WDR36: variants seen among roughly 807,000 people sequenced by gnomAD.
WDR36 encodes the protein WD repeat-containing protein 36.
Under a neutral mutation model 112.7 loss-of-function variants are expected in WDR36, and 63 were observed. The observed-to-expected ratio is 0.56, with a 90% CI of 0.46 to 0.69. The LOEUF (loss-of-function observed/expected upper bound fraction) is 0.69. Ranked by LOEUF, WDR36 falls within the 30% of genes least tolerant of loss-of-function variation. The pLI is 0.00. For missense variants in WDR36, 1,226 were observed against 1,070.3 expected, an observed-to-expected ratio of 1.15 and a Z score of -2.03; for synonymous variants, 410 against 362.2, an observed-to-expected ratio of 1.13 and a Z score of -1.50.
intron 8 of WDR36, 110 bp downstream of exon 8, chr5:111,104,462 G>C: frequency 6.7e-7 from 1 of 1,489,074 alleles, no homozygotes; most frequent in Non-Finnish European, 9.4e-7. Context: ...AAGGAATATG[G>C]AATGAGATAT....
rs780828248 is a variant in WDR36 at position 111,100,658 on chromosome 5, A to G, written c.479A>G (p.Tyr160Cys). 1.9e-6 allele frequency: 3 copies of G among 1,608,018 alleles called. No homozygotes were observed. The highest frequency in any genetic ancestry group is 1.3e-5 in the African/African-American group (1 of 74,920). Residue 160 changes from tyrosine (Y) to cysteine (C), a missense_variant, in exon 5 of 23, where the codon TAC becomes TGC. Tyr to Cys is a radical substitution (Grantham distance 194). Coordinates refer to ENST00000513710, the MANE Select transcript of WDR36 (RefSeq NM_139281.3). Reference protein sequence around the residue: ...KISAILHPSTYLNKILLGSEQ... With the variant: ...KISAILHPSTCLNKILLGSEQ... ...TCTGCAATTTTGCATCCAAGTACCT[A>G]CTTGAATAAAATACTTCTGGGCAGT... is the stretch of plus-strand genomic sequence containing the variant.
chr5:111,105,372 A>G lies in WDR36; in HGVS notation c.1093+12A>G. ...GAGCTTGGGACATGGTAGGTCCTCT[A>G]CAAGACAAAATAAGCTGGTCACGAA... On this transcript the variant is annotated intron_variant, in intron 10 of 22. Coordinates refer to ENST00000513710, the MANE Select transcript of WDR36 (RefSeq NM_139281.3). The G allele has an allele frequency of 1.2e-6, 2 of 1,607,104 alleles. No individual in the cohort carries two copies. Among genetic ancestry groups the G allele is most frequent in the South Asian group, 1.1e-5 (1 of 90,926 alleles).
intron 21 of WDR36, among the ~76,000 whole-genome samples, 200 bp from the exon 22 acceptor site, chr5:111,125,408 C>G (rs542277794): frequency 6.6e-6 from 1 of 152,028 alleles, no homozygotes; most frequent in Non-Finnish European, 1.5e-5. Context: ...TGAGTACTTT[C>G]TCTTATATTG....
rs142687756 is a variant in WDR36, at chr5:111,104,335, G to T, written c.889G>T (p.Ala297Ser). Residue 297 changes from alanine to serine, a missense_variant, in exon 8 of 23, where the codon GCT becomes TCT. By Grantham distance (99) the Ala-to-Ser change is moderately conservative. Transcript: ENST00000513710. ...AGAGCCACTTCTTGTCACAAATGGC[G>T]CTGACAATGCTCTTAGGGTATTATG... ...HREPLLVTNGADNALRIWIFD... is the reference protein window; with the variant it reads ...HREPLLVTNGSDNALRIWIFD... 1.1e-3 allele frequency: 1,725 copies of T among 1,611,752 alleles called. 2 individuals carry two copies. Among genetic ancestry groups the T allele is most frequent in the Non-Finnish European group, 1.4e-3 (1,618 of 1,178,352 alleles).
rs753621539 is a variant in WDR36 at position 111,103,936 on chromosome 5, T to TATTG, written c.730+21_730+24dup. Reference sequence around the variant, plus strand: ...TCGCACAGGTAACTTTTAACATACTTATTGATAGGAGTTAAGAACACTTAA... The same window carrying TATTG: ...TCGCACAGGTAACTTTTAACATACTTATTGATTGATAGGAGTTAAGAACACTTAA... On this transcript the variant is annotated intron_variant, in intron 7 of 22. Transcript: ENST00000513710. 6.2e-7 allele frequency: 1 copy of TATTG among 1,609,972 alleles called. No homozygotes were observed. Among genetic ancestry groups the TATTG allele is most frequent in the Admixed American group, 1.7e-5 (1 of 59,698 alleles).
intron 3 of WDR36, among the ~76,000 whole-genome samples, chr5:111,097,761 G>T (rs1336802423): frequency 1.3e-5 from 2 of 152,168 alleles, no homozygotes; most frequent in African/African-American, 2.4e-5. Flanking sequence ...TAATGGTCTA[G>T]AATGAAAGGA....
rs1753732343 is a variant in WDR36 at position 111,129,009 on chromosome 5, A to G, written c.*2126A>G. Reference sequence around the variant, plus strand: ...TATTATCTACAGCCACAGGAAATGTATAGTTACGATTTTTACATACGTGTA... The same window carrying G: ...TATTATCTACAGCCACAGGAAATGTGTAGTTACGATTTTTACATACGTGTA... On this transcript the variant is annotated 3_prime_UTR_variant, in exon 23 of 23. Coordinates refer to ENST00000513710, the MANE Select transcript of WDR36 (RefSeq NM_139281.3). 5.2e-6 allele frequency: 1 copy of G among 194,062 alleles called. No homozygotes were observed. The allele number at this position is 194,062 out of a possible 1,614,324, so 12.0% of individuals were successfully genotyped here.
chr5:111,104,069 A>G, intron 7 of WDR36, 108 bp from the exon 8 acceptor site: 2 of 1,378,078 alleles, frequency 1.5e-6, no homozygotes, highest in Middle Eastern at 2.4e-4. Flanking sequence ...GATTATTGGT[A>G]TATAGTTTTT....
At chr5:111,105,160 G>A in intron 9 of WDR36, 135 bp from the exon 10 acceptor site, 1 of 860,484 alleles carries the variant, frequency 1.2e-6, no homozygotes, top group Non-Finnish European at 1.9e-6. Context: ...TGAAGTAGTT[G>A]CAATCTGGTT....
intron 3 of WDR36, 150 bp downstream of exon 3, chr5:111,097,329 G>T (rs1219965552): frequency 1.5e-6 from 1 of 649,490 alleles, no homozygotes; most frequent in African/African-American, 1.8e-5. Context: ...TCTGGAGGAA[G>T]ATAAATTTTC....
At position 111,098,692 on chromosome 5, in the gene WDR36, A is replaced by G. The variant is rs538323240; in HGVS notation, c.292-30A>G. On this transcript the variant is annotated intron_variant, in intron 3 of 22. Transcript: ENST00000513710. ...TATGACATGATGACTGAGTAATAAT[A>G]TGAAATTCTTTTAAACTTCGATGTT... The G allele has an allele frequency of 4.7e-4, 625 of 1,334,916 alleles. 8 individuals carry two copies. In the South Asian group the frequency reaches 7.0e-3, roughly 15 times the overall value. 82.7% of individuals were successfully genotyped at this position (1,334,916 alleles called of 1,614,324 possible). A position where few individuals can be genotyped will look rare whatever the true frequency, so the allele number is the denominator to read the frequency against.
chr5:111,126,980 G>T lies in WDR36; in HGVS notation c.*97G>T. 8.3e-7 allele frequency: 1 copy of T among 1,203,474 alleles called. No individual in the cohort carries two copies. Among genetic ancestry groups the T allele is most frequent in the Non-Finnish European group, 1.2e-6 (1 of 868,220 alleles). 74.5% of individuals were successfully genotyped at this position (1,203,474 alleles called of 1,614,324 possible). A position where few individuals can be genotyped will look rare whatever the true frequency, so the allele number is the denominator to read the frequency against. ...GTGTCAATGTGAAAAGAAAATAAAT[G>T]CTAGCACTACTGACTAGTCAGTATA... On this transcript the variant is annotated 3_prime_UTR_variant, in exon 23 of 23. Coordinates refer to ENST00000513710, the MANE Select transcript of WDR36 (RefSeq NM_139281.3).
In WDR36 at chr5:111,129,211, C is replaced by T. The variant is rs1753736113; in HGVS notation, c.*2328C>T. The T allele has an allele frequency of 5.1e-6, 1 of 196,896 alleles. No homozygotes were observed. Among genetic ancestry groups the T allele is most frequent in the East Asian group, 8.0e-5 (1 of 12,538 alleles). 12.2% of individuals were successfully genotyped at this position (196,896 alleles called of 1,614,324 possible). On this transcript the variant is annotated 3_prime_UTR_variant, in exon 23 of 23. Transcript: ENST00000513710. ...CAAACAATGCTGAAAGGAACATCAT[C>T]CTACATGAGCCCTTTTTGTACATAT...
At chr5:111,113,237 G>C in intron 16 of WDR36, 84 bp downstream of exon 16, 1 of 762,864 alleles carries the variant, frequency 1.3e-6, no homozygotes. Flanking sequence ...ATAGTTAATG[G>C]GTTATATGCT....
At position 111,123,577 on chromosome 5, in the gene WDR36, CTTTT is replaced by C. The variant is rs1308901712; in HGVS notation, c.2149-224_2149-221del. On this transcript the variant is annotated intron_variant, in intron 19 of 22. Coordinates refer to ENST00000513710, the MANE Select transcript of WDR36 (RefSeq NM_139281.3). The stretch of plus-strand genomic sequence containing the variant: ...TTAGAACTTCCCCTGTGCCCTGTCA[CTTTT>C]TTTCTGCCTTATCGGCAAGGGTGCT... Among the ~76,000 whole-genome samples the C allele has an allele frequency of 5.3e-5, 8 of 152,160 alleles. No individual in the cohort carries two copies. In the South Asian group the frequency reaches 1.7e-3, roughly 32 times the overall value.
rs1315320332 is a variant in WDR36, at chr5:111,100,664, A to G, written c.485A>G (p.Asn162Ser). Reference sequence around the variant, plus strand: ...ATTTTGCATCCAAGTACCTACTTGAATAAAATACTTCTGGGCAGTGAACAA... The same window carrying G: ...ATTTTGCATCCAAGTACCTACTTGAGTAAAATACTTCTGGGCAGTGAACAA... ...SAILHPSTYL[N>S]KILLGSEQGS... is the part of the protein sequence containing the mutation. Residue 162 changes from asparagine to serine, a missense_variant, in exon 5 of 23, where the codon AAT becomes AGT. Physicochemically the swap from Asn to Ser is conservative, Grantham distance 46. Transcript: ENST00000513710. 5.6e-6 allele frequency: 9 copies of G among 1,608,496 alleles called. No individual in the cohort carries two copies. The highest frequency in any genetic ancestry group is 7.6e-6 in the Non-Finnish European group (9 of 1,176,624).
In WDR36 at chr5:111,098,749, G is replaced by T; in HGVS notation, c.319G>T (p.Ala107Ser). 6.2e-7 allele frequency: 1 copy of T among 1,611,244 alleles called. No homozygotes were observed. Among genetic ancestry groups the T allele is most frequent in the Admixed American group, 1.7e-5 (1 of 59,936 alleles). The stretch of plus-strand genomic sequence containing the variant: ...AGTACATACCTTTAAGGGTCATAAG[G>T]CAGAAATCCATTTCTTGCAACCCTT... ...EIVHTFKGHK[A>S]EIHFLQPFGD... is the part of the protein sequence containing the mutation. The change falls in exon 4 of 23, where the codon GCA (alanine) becomes TCA (serine). Residue 107 changes from alanine (A) to serine (S), a missense_variant. Transcript: ENST00000513710.
chr5:111,095,435 T>C (rs142222615), intron 2 of WDR36, among the ~76,000 whole-genome samples: 263 of 152,330 alleles, frequency 1.7e-3, no homozygotes, highest in African/African-American at 5.8e-3. Flanking sequence ...ACTGGGACTA[T>C]GTAAATATCT....
At chr5:111,115,673 G>A (rs148299721) in intron 16 of WDR36, among the ~76,000 whole-genome samples, 278 of 152,122 alleles carry the variant, frequency 1.8e-3, no homozygotes, top group African/African-American at 6.2e-3. Flanking sequence ...AAATTACATA[G>A]CCTGGAAAGT....
Sources: allele counts gnomAD v4.1 joint callset (sites outside exome capture counted in the v4.1 genomes callset), GRCh38; gene constraint gnomAD v4.1.1; transcripts MANE v1.5; gene names NCBI Gene and HGNC (gene_info 2026-07-23, HGNC 2026-07-21).